PCDHA13: variants seen among roughly 807,000 people sequenced by gnomAD.
PCDHA13 encodes protocadherin alpha-13.
A neutral mutation model predicts 64.8 loss-of-function variants in PCDHA13; 54 were observed. That is an observed-to-expected ratio of 0.83 (90% CI 0.67 to 1.04). PCDHA13 has a LOEUF of 1.04. PCDHA13 is among the 50% of genes least tolerant of loss of function. The probability of loss-of-function intolerance (pLI) is 0.00; values close to 1 mark genes in which losing one functional copy is unlikely to be tolerated. For synonymous variants in PCDHA13, 587 were observed against 564.4 expected (o/e 1.04, Z -0.57); for missense variants, 1,248 against 1,254.3 (o/e 0.99, Z 0.08).
chr5:141,000,418 T>C (rs2097923101), intron 3 of PCDHA13, among the ~76,000 whole-genome samples: 1 of 83,682 alleles, frequency 1.2e-5, no homozygotes, highest in Admixed American at 1.7e-4. Flanking sequence ...TATATATATA[T>C]ATATTTTTTT....
At position 140,883,446 on chromosome 5, in the gene PCDHA13, T is replaced by TCCC. The variant is rs2059615161; in HGVS notation, c.1180_1182dup (p.Pro394dup). ...GTCACCTGCACCTTGACGCCGCATG[T>TCCC]CCCCTTCAAGCTGGTGTCCACCTAC... On this transcript the variant is annotated inframe_insertion, in exon 1 of 4. Coordinates refer to ENST00000289272, the MANE Select transcript of PCDHA13 (RefSeq NM_018904.3). 6.2e-7 allele frequency: 1 copy of TCCC among 1,614,012 alleles called. No homozygotes were observed. Among genetic ancestry groups the TCCC allele is most frequent in the African/African-American group, 1.3e-5 (1 of 74,902 alleles).
chr5:140,910,652 T>C (rs2075120001), intron 1 of PCDHA13, among the ~76,000 whole-genome samples: 1 of 152,204 alleles, frequency 6.6e-6, no homozygotes, highest in Non-Finnish European at 1.5e-5. Flanking sequence ...TTTTGATCCC[T>C]TCCTCTACAT....
At chr5:140,922,837 C>T (rs1280492516) in intron 1 of PCDHA13, among the ~76,000 whole-genome samples, 2 of 152,134 alleles carry the variant, frequency 1.3e-5, no homozygotes, top group Non-Finnish European at 2.9e-5. Flanking sequence ...AATAGATGTC[C>T]TCAAAGAGAC....
rs2059636103 is a variant in PCDHA13 at position 140,883,486 on chromosome 5, A to G, written c.1218A>G (p.Ser406=). 6.2e-7 allele frequency: 1 copy of G among 1,614,016 alleles called. No homozygotes were observed. The highest frequency in any genetic ancestry group is 8.5e-7 in the Non-Finnish European group (1 of 1,180,042). ...TGTCCACCTACAAGAACTACTACTC[A>G]TTAGTGCTGGACAGCGCCCTGGACC... ...KLVSTYKNYY[S]LVLDSALDRE... The change falls in exon 1 of 4, where the codon TCA becomes TCG. Residue 406 remains serine, a synonymous_variant. Coordinates refer to ENST00000289272, the MANE Select transcript of PCDHA13 (RefSeq NM_018904.3).
In PCDHA13 at chr5:141,009,886, C is replaced by T. The variant is rs377373799; in HGVS notation, c.2802C>T (p.Thr934=). Residue 934 remains threonine (T), a synonymous_variant, in exon 4 of 4, where the codon ACC becomes ACT. Transcript: ENST00000289272. ...AGAAAAAGAAGAAGGGTAACAAGAC[C>T]CAGGAGAAAAAAGAGAAAGGGAACA... ...KKKKKKKGNK[T]QEKKEKGNST... is the part of the protein sequence containing the mutation. The T allele has an allele frequency of 9.0e-4, 1,444 of 1,612,840 alleles. 15 individuals are homozygous for T. The South Asian group carries it at 0.015, about 17-fold the overall frequency.
At chr5:140,955,654 A>G (rs2095214723) in intron 1 of PCDHA13, among the ~76,000 whole-genome samples, 1 of 152,208 alleles carries the variant, frequency 6.6e-6, no homozygotes, top group South Asian at 2.1e-4. Flanking sequence ...TAATACACAT[A>G]TGAATTTTAA....
intron 3 of PCDHA13, among the ~76,000 whole-genome samples, chr5:141,006,017 G>A (rs139294218): frequency 1.3e-5 from 2 of 151,190 alleles, no homozygotes; most frequent in African/African-American, 4.8e-5. Context: ...TATGGTTGGA[G>A]TATAATAGTA....
intron 1 of PCDHA13, among the ~76,000 whole-genome samples, chr5:140,911,873 A>G (rs980533422): frequency 7.2e-5 from 11 of 152,038 alleles, no homozygotes; most frequent in African/African-American, 2.7e-4. Flanking sequence ...TTCTGGAACC[A>G]CTCCTGGGAC....
intron 3 of PCDHA13, among the ~76,000 whole-genome samples, chr5:141,000,713 C>G (rs570396356): frequency 6.6e-6 from 1 of 151,652 alleles, no homozygotes; most frequent in Non-Finnish European, 1.5e-5. Context: ...CAGGCATGAG[C>G]CACTGTGCCT....
At chr5:140,960,748 A>C (rs1408249489) in intron 1 of PCDHA13, among the ~76,000 whole-genome samples, 1 of 152,008 alleles carries the variant, frequency 6.6e-6, no homozygotes, top group Non-Finnish European at 1.5e-5. Flanking sequence ...TCCATGGCTA[A>C]AATCCCAAGA....
At chr5:140,985,373 C>T (rs1228293287) in intron 3 of PCDHA13, among the ~76,000 whole-genome samples, 1 of 152,106 alleles carries the variant, frequency 6.6e-6, no homozygotes, top group Non-Finnish European at 1.5e-5. Flanking sequence ...TTATCTGGGT[C>T]TATATAATCC....
chr5:140,887,025 T>G (rs1352119867), intron 1 of PCDHA13, among the ~76,000 whole-genome samples: 3 of 152,076 alleles, frequency 2.0e-5, no homozygotes, highest in Non-Finnish European at 4.4e-5. Context: ...CCTGAAAAAT[T>G]TCTTTAATAT....
At position 140,914,538 on chromosome 5, in the gene PCDHA13, T is replaced by C. The variant is rs1393710886; in HGVS notation, c.2394+29876T>C. ...TTTTTTCATCCATTCAGCCACTTTA[T>C]TTCTTTTTATTGGAGAGTTTAGTCC... is the stretch of plus-strand genomic sequence containing the variant. On this transcript the variant is annotated intron_variant, in intron 1 of 3. Transcript: ENST00000289272. 2.0e-5 allele frequency among the ~76,000 whole-genome samples: 3 copies of C among 152,198 alleles called. No individual in the cohort carries two copies. The East Asian group carries it at 5.8e-4, about 29-fold the overall frequency.
At chr5:141,005,500 G>A (rs954556024) in intron 3 of PCDHA13, among the ~76,000 whole-genome samples, 2 of 151,574 alleles carry the variant, frequency 1.3e-5, no homozygotes, top group East Asian at 1.9e-4. Flanking sequence ...TCAGGAGATC[G>A]AGACCATCCT....
At chr5:140,927,094 G>C (rs555838945) in intron 1 of PCDHA13, 4 of 1,612,890 alleles carry the variant, frequency 2.5e-6, no homozygotes. Context: ...CTACTTCGGG[G>C]TGGATCTACC....
At chr5:140,944,966 C>A (rs1554216639) in intron 1 of PCDHA13, among the ~76,000 whole-genome samples, 1 of 152,080 alleles carries the variant, frequency 6.6e-6, no homozygotes, top group Non-Finnish European at 1.5e-5. Context: ...ATTATCTTAA[C>A]CTCTCTGGTG....
chr5:140,914,317 A>G (rs1016365389), intron 1 of PCDHA13, among the ~76,000 whole-genome samples: 15 of 152,122 alleles, frequency 9.9e-5, no homozygotes, highest in Non-Finnish European at 2.9e-5. Flanking sequence ...CCCCATTATC[A>G]TTGTACAAAG....
intron 1 of PCDHA13, among the ~76,000 whole-genome samples, chr5:140,944,325 T>C (rs1179163685): frequency 1.3e-5 from 2 of 152,196 alleles, no homozygotes; most frequent in East Asian, 3.9e-4. Context: ...GTAGCTGGGA[T>C]TACAAGCACG....
Position 141,009,784 on chromosome 5 carries a change from G to T in PCDHA13, c.2700G>T (p.Arg900=). The T allele has an allele frequency of 6.2e-7, 1 of 1,614,054 alleles. No individual in the cohort carries two copies. The highest frequency in any genetic ancestry group is 8.5e-7 in the Non-Finnish European group (1 of 1,180,018). ...GATCTCCTGCAATCATCTCCATCCG[G>T]CAGGAGCCTACTAACAGCCAAATTG... ...IPGSPAIISI[R]QEPTNSQIDK... The change falls in exon 4 of 4, where the codon CGG becomes CGT. Residue 900 remains arginine (R), a synonymous_variant. Coordinates refer to ENST00000289272, the MANE Select transcript of PCDHA13 (RefSeq NM_018904.3).
Sources: gnomAD v4.1 joint callset for allele counts (sites outside exome capture counted in the v4.1 genomes callset) on GRCh38, gnomAD v4.1.1 for gene constraint, MANE v1.5 for transcripts, NCBI Gene and HGNC (gene_info 2026-07-23, HGNC 2026-07-21) for gene names.